The following CALCRL variants were observed in gnomAD, a reference collection of about 807,000 sequenced individuals.
CALCRL encodes calcitonin gene-related peptide type 1 receptor.
A neutral mutation model predicts 60.4 loss-of-function variants in CALCRL; 27 were observed. The ratio of observed to expected loss-of-function variants is 0.45; its 90% confidence interval spans 0.33 to 0.62. The LOEUF is 0.62. CALCRL is among the 20% of genes least tolerant of loss of function. The pLI is 0.03. For missense variants in CALCRL, 424 were observed against 540.7 expected (o/e 0.78, Z 2.14); for synonymous variants, 190 against 182.6 (o/e 1.04, Z -0.33).
chr2:187,354,437 T>G (rs1263421800), intron 12 of CALCRL, among the ~76,000 whole-genome samples: 1 of 152,002 alleles, frequency 6.6e-6, no homozygotes, highest in Non-Finnish European at 1.5e-5. Flanking sequence ...CTGTAGTCAC[T>G]CCAGTACCAC....
At position 187,343,905 on chromosome 2, in the gene CALCRL, C is replaced by G. The variant is rs1159365448; in HGVS notation, c.*2279G>C. 6.6e-6 allele frequency: 1 copy of G among 151,480 alleles called. No individual in the cohort carries two copies. The highest frequency in any genetic ancestry group is 6.6e-5 in the Admixed American group (1 of 15,164). The allele number at this position is 151,480 out of a possible 1,614,324, so 9.4% of individuals were successfully genotyped here. On this transcript the variant is annotated 3_prime_UTR_variant, in exon 15 of 15. Transcript: ENST00000392370. Reference sequence around the variant, plus strand: ...GCCTCAAGACTCTACAACAGACAAACCCTGGCTATAAAATAAATCTGATCT... The same window carrying G: ...GCCTCAAGACTCTACAACAGACAAAGCCTGGCTATAAAATAAATCTGATCT...
intron 14 of CALCRL, among the ~76,000 whole-genome samples, chr2:187,349,218 C>T (rs1686417229): frequency 6.6e-6 from 1 of 151,556 alleles, no homozygotes; most frequent in Non-Finnish European, 1.5e-5. Flanking sequence ...GATCACAGTG[C>T]ACATTTTTGT....
At chr2:187,430,828 ACT>A (rs1372500213) in intron 1 of CALCRL, among the ~76,000 whole-genome samples, 2 of 152,154 alleles carry the variant, frequency 1.3e-5, no homozygotes, top group African/African-American at 4.8e-5. Context: ...GAGAAAAGGA[ACT>A]TAGTTCAAAT....
chr2:187,414,865 A>C (rs1574296859), intron 1 of CALCRL, among the ~76,000 whole-genome samples: 1 of 131,938 alleles, frequency 7.6e-6, no homozygotes, highest in Non-Finnish European at 1.6e-5. Context: ...GAGCTGTGCC[A>C]CCAGAAAATT....
intron 1 of CALCRL, among the ~76,000 whole-genome samples, chr2:187,439,771 A>T (rs1690809093): frequency 6.6e-6 from 1 of 152,272 alleles, no homozygotes; most frequent in South Asian, 2.1e-4. Context: ...CCCACAGGTA[A>T]TTCTTAATTC....
At position 187,418,079 on chromosome 2, in the gene CALCRL, T is replaced by G. The variant is rs547613546; in HGVS notation, c.-293+29960A>C. Among the ~76,000 whole-genome samples, 6 of 152,316 alleles carry G rather than the reference T, an allele frequency of 3.9e-5. No homozygotes were observed. In the South Asian group the frequency reaches 1.0e-3, roughly 26 times the overall value. ...TAGTTTGAGGTTAAATGTAAAAAGCTTTGACGTTTTCTGTTCTCAGAGTCC... is the reference window on the plus strand; with the variant it reads ...TAGTTTGAGGTTAAATGTAAAAAGCGTTGACGTTTTCTGTTCTCAGAGTCC... On this transcript the variant is annotated intron_variant, in intron 1 of 14. Transcript: ENST00000392370.
intron 9 of CALCRL, among the ~76,000 whole-genome samples, chr2:187,362,345 T>C (rs1687090074): frequency 6.6e-6 from 1 of 152,202 alleles, no homozygotes; most frequent in South Asian, 2.1e-4. Context: ...TTGCTAATTA[T>C]ACCCCAGTGT....
chr2:187,358,919 T>A, intron 12 of CALCRL, 144 bp downstream of exon 12: 1 of 739,724 alleles, frequency 1.4e-6, no homozygotes, highest in Non-Finnish European at 2.4e-6. Flanking sequence ...TATGATACCT[T>A]CACTAAACGC....
chr2:187,381,235 T>C (rs1034097624), intron 5 of CALCRL, among the ~76,000 whole-genome samples: 2 of 152,088 alleles, frequency 1.3e-5, no homozygotes, highest in African/African-American at 4.8e-5. Flanking sequence ...TATTTCCTAT[T>C]ATACCATTGT....
At chr2:187,392,386 AC>A (rs2105804650) in intron 1 of CALCRL, among the ~76,000 whole-genome samples, 1 of 152,254 alleles carries the variant, frequency 6.6e-6, no homozygotes, top group African/African-American at 2.4e-5. Context: ...AGGTTCACCC[AC>A]CTGAACCTTT....
At chr2:187,353,995 T>A (rs1307940926) in intron 12 of CALCRL, among the ~76,000 whole-genome samples, 2 of 152,000 alleles carry the variant, frequency 1.3e-5, no homozygotes, top group East Asian at 3.9e-4. Context: ...TGTCTTAGAA[T>A]GAATTGGATG....
intron 7 of CALCRL, 36 bp downstream of exon 7, chr2:187,380,431 C>A (rs1012293363): frequency 1.6e-6 from 2 of 1,227,016 alleles, no homozygotes; most frequent in Admixed American, 1.7e-5. Context: ...TAAACAGATA[C>A]TGTAAGTTAA....
rs114472367 is a variant in CALCRL at position 187,441,699 on chromosome 2, A to G, written c.-293+6340T>C. On this transcript the variant is annotated intron_variant, in intron 1 of 14. Coordinates refer to ENST00000392370, the MANE Select transcript of CALCRL (RefSeq NM_005795.6). ...AAATCAGTCTGCTTCCTTCCCCCAAATGAAATATACTGCAATATTACCAGA... is the reference window on the plus strand; with the variant it reads ...AAATCAGTCTGCTTCCTTCCCCCAAGTGAAATATACTGCAATATTACCAGA... 3.5e-3 allele frequency among the ~76,000 whole-genome samples: 535 copies of G among 152,136 alleles called. 5 individuals are homozygous for G. The highest frequency in any genetic ancestry group is 0.012 in the African/African-American group (509 of 41,522).
At chr2:187,418,812 T>G (rs1180432024) in intron 1 of CALCRL, among the ~76,000 whole-genome samples, 1 of 151,768 alleles carries the variant, frequency 6.6e-6, no homozygotes, top group African/African-American at 2.4e-5. Flanking sequence ...AAATTTCACC[T>G]TCTTCATAAT....
chr2:187,348,393 T>C (rs544467314), intron 14 of CALCRL, among the ~76,000 whole-genome samples: 334 of 151,784 alleles, frequency 2.2e-3, no homozygotes, highest in Non-Finnish European at 3.4e-3. Context: ...TGGTTGAGTA[T>C]GTAATCAATA....
intron 9 of CALCRL, 64 bp downstream of exon 9, chr2:187,363,312 A>G (rs1687139591): frequency 6.6e-7 from 1 of 1,514,624 alleles, no homozygotes; most frequent in Admixed American, 2.1e-5. Flanking sequence ...TTATGCATAT[A>G]TCAGCCATGT....
chr2:187,350,785 T>A (rs183951053), intron 14 of CALCRL, among the ~76,000 whole-genome samples: 98 of 151,780 alleles, frequency 6.5e-4, no homozygotes, highest in Middle Eastern at 6.8e-3. Context: ...TACCAACTGG[T>A]CCCATGTGTT....
intron 10 of CALCRL, 97 bp downstream of exon 10, chr2:187,360,501 G>C (rs946782818): frequency 9.9e-7 from 1 of 1,005,700 alleles, no homozygotes; most frequent in Non-Finnish European, 1.4e-6. Flanking sequence ...CTTTAAAAAT[G>C]ATTACTCATT....
At chr2:187,434,111 T>C (rs950822618) in intron 1 of CALCRL, among the ~76,000 whole-genome samples, 11 of 152,094 alleles carry the variant, frequency 7.2e-5, no homozygotes, top group African/African-American at 2.7e-4. Context: ...ATAAAGTTTT[T>C]GAATAAAGAG....
Sources: allele counts gnomAD v4.1 joint callset (sites outside exome capture counted in the v4.1 genomes callset), GRCh38; gene constraint gnomAD v4.1.1; transcripts MANE v1.5; gene names NCBI Gene and HGNC (gene_info 2026-07-23, HGNC 2026-07-21).